ABCC9: variants seen among roughly 807,000 people sequenced by gnomAD.
The protein encoded by ABCC9 is ATP binding cassette subfamily C member 9, also known as ATP-binding cassette sub-family C member 9.
In ABCC9, 95 loss-of-function variants were observed where a neutral mutation model predicts 188.3. That is an observed-to-expected ratio of 0.50 (90% CI 0.43 to 0.60). ABCC9 has a LOEUF of 0.60. Ranked by LOEUF, ABCC9 falls within the 20% of genes least tolerant of loss-of-function variation. ABCC9 has a pLI of 0.00. For synonymous variants in ABCC9, 659 were observed against 652.7 expected (o/e 1.01, Z -0.15); for missense variants, 1,102 against 1,876.3 (o/e 0.59, Z 7.62).
intron 4 of ABCC9, among the ~76,000 whole-genome samples, chr12:21,933,547 A>T (rs890508200): frequency 1.3e-5 from 2 of 152,136 alleles, no homozygotes; most frequent in Admixed American, 1.3e-4. Context: ...TAATATATTA[A>T]CATAAGTATA....
intron 2 of ABCC9, among the ~76,000 whole-genome samples, chr12:21,940,507 A>T (rs1486222334): frequency 6.6e-6 from 1 of 152,194 alleles, no homozygotes; most frequent in Non-Finnish European, 1.5e-5. Context: ...TGACAGATCC[A>T]AGTGGGAAAA....
chr12:21,844,853 T>C lies in ABCC9; in HGVS notation c.3159A>G (p.Thr1053=), dbSNP rs755562764. The C allele has an allele frequency of 2.5e-6, 4 of 1,613,948 alleles. No individual in the cohort carries two copies. The South Asian group carries it at 4.4e-5, about 18-fold the overall frequency. The change falls in exon 27 of 40, where the codon ACA becomes ACG. Residue 1053 remains threonine (T), a synonymous_variant. Transcript: ENST00000261200. The part of the protein sequence containing the change: ...CGAGIFLCLV[T]SLTVEWMGLT... ...GACCCATCCATTCTACAGTGAGGGA[T>C]GTAACAAGGCAAAGGAAAATGCCTG...
chr12:21,931,975 A>C (rs970567393), intron 4 of ABCC9, among the ~76,000 whole-genome samples: 3 of 152,136 alleles, frequency 2.0e-5, no homozygotes, highest in Non-Finnish European at 4.4e-5. Flanking sequence ...AAATGCTTAG[A>C]AGTTTCATTC....
At chr12:21,812,271 T>C (rs1056131147) in intron 35 of ABCC9, 114 bp from the exon 36 acceptor site, 3 of 777,042 alleles carry the variant, frequency 3.9e-6, no homozygotes, top group Non-Finnish European at 6.6e-6. Flanking sequence ...GGAGACCCAC[T>C]TTTCCATTTA....
At position 21,910,175 on chromosome 12, in the gene ABCC9, T is replaced by C; in HGVS notation, c.1302A>G (p.Leu434=). 6.2e-7 allele frequency: 1 copy of C among 1,611,250 alleles called. No homozygotes were observed. The highest frequency in any genetic ancestry group is 8.5e-7 in the Non-Finnish European group (1 of 1,177,926). Residue 434 remains leucine (L), a synonymous_variant, in exon 10 of 40, where the codon CTA becomes CTG. Coordinates refer to ENST00000261200, the MANE Select transcript of ABCC9 (RefSeq NM_020297.4). ...TACCTACCTGAACAGGCATAGCCCATAGATTGGGACACAGGAACAAAAACC... is the reference window on the plus strand; with the variant it reads ...TACCTACCTGAACAGGCATAGCCCACAGATTGGGACACAGGAACAAAAACC... ...LMWFLFLCPN[L]WAMPVQIIMG... is the part of the protein sequence containing the mutation.
chr12:21,832,722 T>TA (rs1337728072), intron 30 of ABCC9, among the ~76,000 whole-genome samples: 2 of 152,222 alleles, frequency 1.3e-5, no homozygotes, highest in East Asian at 3.9e-4. Context: ...GGAGATTCCC[T>TA]AAAAAACTAA....
intron 18 of ABCC9, among the ~76,000 whole-genome samples, chr12:21,869,954 A>G (rs1945982454): frequency 6.6e-6 from 1 of 152,198 alleles, no homozygotes; most frequent in African/African-American, 2.4e-5. Context: ...TGTACAATTT[A>G]TGTATTTTTC....
At chr12:21,897,869 C>A (rs927998867) in intron 12 of ABCC9, among the ~76,000 whole-genome samples, 2 of 152,132 alleles carry the variant, frequency 1.3e-5, no homozygotes, top group Non-Finnish European at 2.9e-5. Context: ...GACTCAATAC[C>A]AACACAACTC....
rs1941294916 is a variant in ABCC9 at position 21,798,934 on chromosome 12, C to A, written c.*2110G>T. On this transcript the variant is annotated 3_prime_UTR_variant, in exon 40 of 40. Coordinates refer to ENST00000261200, the MANE Select transcript of ABCC9 (RefSeq NM_020297.4). ...ATGCAGCCATACAAAATGATGAGTT[C>A]ATGTCCTTTGTAGGGACATGGATGA... 6.7e-6 allele frequency: 1 copy of A among 149,204 alleles called. No homozygotes were observed. Among genetic ancestry groups the A allele is most frequent in the African/African-American group, 2.5e-5 (1 of 40,328 alleles). 9.2% of individuals were successfully genotyped at this position (149,204 alleles called of 1,614,324 possible).
chr12:21,842,457 GGT>G lies in ABCC9; in HGVS notation c.3328_3329del (p.Thr1110LeufsTer48), dbSNP rs1944441221. ...TNIIDQHIPP[T>X]LESLTRSTLL... ...GTGTTGAGCGAGTTAGAGATTCCAA[GGT>G]TGGAGGGATGTGCTATTAGGGTAGT... On this transcript the variant is annotated frameshift_variant, in exon 29 of 40. Coordinates refer to ENST00000261200, the MANE Select transcript of ABCC9 (RefSeq NM_020297.4). LOFTEE classifies it high-confidence loss of function. The G allele has an allele frequency of 2.5e-6, 4 of 1,614,004 alleles. No individual in the cohort carries two copies. The highest frequency in any genetic ancestry group is 1.7e-5 in the Admixed American group (1 of 60,006).
chr12:21,856,461 A>G (rs73074914), intron 22 of ABCC9, among the ~76,000 whole-genome samples: 9,377 of 152,166 alleles, frequency 0.062, 385 homozygotes, highest in South Asian at 0.12. Flanking sequence ...ATAATTTAAT[A>G]TATTCATTGA....
rs11430045 is a variant in ABCC9 at position 21,829,191 on chromosome 12, CTTTT to C, written c.3567-135_3567-132del. On this transcript the variant is annotated intron_variant, in intron 30 of 39. Transcript: ENST00000261200. ...CATGGAATGATCAGTAAATAGATTT[CTTTT>C]TTTTTTTTTTTTTTTTTTTTTTTTC... 0.041 allele frequency: 9,285 copies of C among 225,674 alleles called. 15 individuals carry two copies. The highest frequency in any genetic ancestry group is 0.071 in the East Asian group (545 of 7,660). 14.0% of individuals were successfully genotyped at this position (225,674 alleles called of 1,614,324 possible).
At chr12:21,886,726 C>T (rs948297382) in intron 15 of ABCC9, among the ~76,000 whole-genome samples, 2 of 152,008 alleles carry the variant, frequency 1.3e-5, no homozygotes, top group South Asian at 4.2e-4. Context: ...TCATTGTTCT[C>T]GCATCATCTC....
At chr12:21,911,727 AAT>A (rs1189312688) in intron 8 of ABCC9, among the ~76,000 whole-genome samples, 1 of 151,904 alleles carries the variant, frequency 6.6e-6, no homozygotes, top group African/African-American at 2.4e-5. Context: ...TTTTTGTGGG[AAT>A]ATATACAAAT....
At chr12:21,863,720 A>T (rs1053405157) in intron 19 of ABCC9, among the ~76,000 whole-genome samples, 4 of 152,172 alleles carry the variant, frequency 2.6e-5, no homozygotes, top group Non-Finnish European at 5.9e-5. Context: ...TCCAATAGTT[A>T]GGAAAATACA....
chr12:21,930,161 T>G (rs550078510), intron 4 of ABCC9, among the ~76,000 whole-genome samples: 1 of 152,276 alleles, frequency 6.6e-6, no homozygotes, highest in East Asian at 1.9e-4. Flanking sequence ...CATGAACTCA[T>G]CCTTTTTTAT....
intron 30 of ABCC9, among the ~76,000 whole-genome samples, chr12:21,831,777 C>T (rs1283816): frequency 0.56 from 84,449 of 151,980 alleles, 23,858 homozygotes; most frequent in Admixed American, 0.64. Flanking sequence ...GCCACATGTT[C>T]TGGGGCTTGA....
At chr12:21,809,141 G>C (rs1025936211) in intron 37 of ABCC9, among the ~76,000 whole-genome samples, 1 of 151,826 alleles carries the variant, frequency 6.6e-6, no homozygotes, top group African/African-American at 2.4e-5. Context: ...AAGATGTTAA[G>C]GAAGCAAAGT....
At chr12:21,823,006 G>A (rs926603559) in intron 31 of ABCC9, among the ~76,000 whole-genome samples, 6 of 152,240 alleles carry the variant, frequency 3.9e-5, no homozygotes, top group Admixed American at 2.0e-4. Flanking sequence ...AATACTTGGG[G>A]ATCACTAATA....
Sources: gnomAD v4.1 joint callset for allele counts (sites outside exome capture counted in the v4.1 genomes callset) on GRCh38, gnomAD v4.1.1 for gene constraint, MANE v1.5 for transcripts, NCBI Gene and HGNC (gene_info 2026-07-23, HGNC 2026-07-21) for gene names.